The following ERGIC2 variants were observed in gnomAD, a reference collection of about 807,000 sequenced individuals.
ERGIC2 encodes the protein endoplasmic reticulum-Golgi intermediate compartment protein 2.
ERGIC2 carries 31 observed loss-of-function variants against 52.5 expected under a neutral mutation model. The ratio of observed to expected loss-of-function variants is 0.59; its 90% confidence interval spans 0.44 to 0.80. ERGIC2 has a LOEUF of 0.80. ERGIC2 is among the 30% of genes least tolerant of loss of function. The probability of loss-of-function intolerance (pLI) is 0.00; values close to 1 mark genes in which losing one functional copy is unlikely to be tolerated. For synonymous variants in ERGIC2, 129 were observed against 140.6 expected, an observed-to-expected ratio of 0.92 and a Z score of 0.58; for missense variants, 395 against 455.2, an observed-to-expected ratio of 0.87 and a Z score of 1.20.
chr12:29,379,859 A>C (rs1283430634), intron 1 of ERGIC2, among the ~76,000 whole-genome samples: 1 of 152,168 alleles, frequency 6.6e-6, no homozygotes, highest in Non-Finnish European at 1.5e-5. Context: ...AGAAAAAAAA[A>C]ATAGCCATTT....
intron 1 of ERGIC2, among the ~76,000 whole-genome samples, chr12:29,378,615 T>C (rs1266724379): frequency 6.6e-6 from 1 of 151,376 alleles, no homozygotes; most frequent in Non-Finnish European, 1.5e-5. Flanking sequence ...ACCCCCTCAA[T>C]TGTACTTATT....
chr12:29,370,334 A>G (rs1940424163), intron 2 of ERGIC2, 112 bp from the exon 3 acceptor site: 2 of 1,230,772 alleles, frequency 1.6e-6, no homozygotes, highest in Non-Finnish European at 2.1e-6. Context: ...CTAATAATGT[A>G]ACTTCCATTT....
intron 1 of ERGIC2, among the ~76,000 whole-genome samples, chr12:29,378,210 G>A (rs954244816): frequency 6.6e-6 from 1 of 152,178 alleles, no homozygotes. Flanking sequence ...AATGCCATGT[G>A]AAAACAAAGG....
At chr12:29,354,593 A>G (rs1324506446) in intron 8 of ERGIC2, among the ~76,000 whole-genome samples, 2 of 152,208 alleles carry the variant, frequency 1.3e-5, no homozygotes, top group Non-Finnish European at 2.9e-5. Flanking sequence ...AAAAAGATCA[A>G]TATTGAACTT....
At chr12:29,355,422 C>T (rs959513181) in intron 8 of ERGIC2, among the ~76,000 whole-genome samples, 1 of 152,104 alleles carries the variant, frequency 6.6e-6, no homozygotes, top group Non-Finnish European at 1.5e-5. Flanking sequence ...TAGTTTCTAG[C>T]ACAGTACTTT....
intron 10 of ERGIC2, among the ~76,000 whole-genome samples, chr12:29,347,481 TC>T (rs1384112298): frequency 6.6e-6 from 1 of 152,190 alleles, no homozygotes; most frequent in Non-Finnish European, 1.5e-5. Context: ...CACAGCCTCT[TC>T]CATGCCCTTT....
rs570888464 is a variant in ERGIC2 at position 29,372,105 on chromosome 12, C to T, written c.-37-435G>A. Among the ~76,000 whole-genome samples, 8 of 152,074 alleles carry T rather than the reference C, an allele frequency of 5.3e-5. No homozygotes were observed. The South Asian group carries it at 1.7e-3, about 32-fold the overall frequency. On this transcript the variant is annotated intron_variant, in intron 1 of 13. Coordinates refer to ENST00000360150, the MANE Select transcript of ERGIC2 (RefSeq NM_016570.3). ...CTGTAATCCCAGTACTTTGGGAGGC[C>T]GAGGCGGGTGGATCATCTGAGGTCA...
At position 29,340,871 on chromosome 12, in the gene ERGIC2, C is replaced by A; in HGVS notation, c.*285G>T. ...AAGAAGCAATGTCTGATTTTGATAC[C>A]ACCCATTTGCTATGAAAATATAAGA... On this transcript the variant is annotated 3_prime_UTR_variant, in exon 14 of 14. Coordinates refer to ENST00000360150, the MANE Select transcript of ERGIC2 (RefSeq NM_016570.3). 1 of 473,028 alleles carries A rather than the reference C, an allele frequency of 2.1e-6. No homozygotes were observed. The allele number at this position is 473,028 out of a possible 1,614,324, so 29.3% of individuals were successfully genotyped here.
chr12:29,376,034 A>G (rs1040070036), intron 1 of ERGIC2, among the ~76,000 whole-genome samples: 1 of 152,124 alleles, frequency 6.6e-6, no homozygotes, highest in Non-Finnish European at 1.5e-5. Flanking sequence ...TTCCATTCCA[A>G]TCCTTAGTCA....
At chr12:29,371,239 C>T (rs1940435959) in intron 2 of ERGIC2, among the ~76,000 whole-genome samples, 1 of 152,138 alleles carries the variant, frequency 6.6e-6, no homozygotes, top group African/African-American at 2.4e-5. Context: ...ATTTGAATAA[C>T]TTCCTCAAGG....
intron 1 of ERGIC2, among the ~76,000 whole-genome samples, chr12:29,377,962 G>T (rs1306137069): frequency 1.3e-5 from 2 of 152,120 alleles, no homozygotes; most frequent in African/African-American, 2.4e-5. Flanking sequence ...AAATTTAATT[G>T]GTTAATACAT....
At chr12:29,379,903 A>G (rs942466733) in intron 1 of ERGIC2, among the ~76,000 whole-genome samples, 4 of 152,188 alleles carry the variant, frequency 2.6e-5, no homozygotes, top group African/African-American at 9.7e-5. Context: ...CAAAGAAAGA[A>G]AATGTGTGGG....
Position 29,341,226 on chromosome 12 carries a change from G to A in ERGIC2, c.1072-8C>T, listed in dbSNP as rs1949837651. ...GCCATCCTCAAAAGGAACCTAAGGA[G>A]AAAAGGAGGGAAAAAAAGACCAAAG... On this transcript the variant is annotated splice_region_variant and splice_polypyrimidine_tract_variant and intron_variant, in intron 13 of 13. Coordinates refer to ENST00000360150, the MANE Select transcript of ERGIC2 (RefSeq NM_016570.3). The A allele has an allele frequency of 1.9e-6, 3 of 1,598,684 alleles. No individual in the cohort carries two copies. The highest frequency in any genetic ancestry group is 2.7e-5 in the African/African-American group (2 of 74,178).
At chr12:29,346,572 C>T (rs1037183121) in intron 10 of ERGIC2, among the ~76,000 whole-genome samples, 2 of 152,086 alleles carry the variant, frequency 1.3e-5, no homozygotes, top group Non-Finnish European at 2.9e-5. Context: ...TCAGTTTCTA[C>T]TAATATCTTA....
At chr12:29,371,481 C>T in intron 2 of ERGIC2, 47 bp downstream of exon 2, 1 of 1,229,908 alleles carries the variant, frequency 8.1e-7, no homozygotes, top group Non-Finnish European at 1.2e-6. Flanking sequence ...CTGGATCACG[C>T]AGAAGTTGTA....
At chr12:29,348,632 G>C (rs888401320) in intron 10 of ERGIC2, among the ~76,000 whole-genome samples, 2 of 151,860 alleles carry the variant, frequency 1.3e-5, no homozygotes, top group East Asian at 3.8e-4. Flanking sequence ...TAGGTTTCTG[G>C]TGTTTGTAAA....
chr12:29,371,605 A>G lies in ERGIC2; in HGVS notation c.29T>C (p.Leu10Ser). 1.2e-6 allele frequency: 2 copies of G among 1,613,586 alleles called. No homozygotes were observed. The highest frequency in any genetic ancestry group is 1.7e-6 in the Non-Finnish European group (2 of 1,179,736). MRRLNRKKT[L>S]SLVKELDAFP... ...GGCATCCAACTCTTTTACCAAACTTAAAGTTTTTTTCCGATTCAGTCGCCT... is the reference window on the plus strand; with the variant it reads ...GGCATCCAACTCTTTTACCAAACTTGAAGTTTTTTTCCGATTCAGTCGCCT... Residue 10 changes from leucine to serine, a missense_variant, in exon 2 of 14, where the codon TTA (leucine) becomes TCA (serine). By Grantham distance (145) the Leu-to-Ser change is moderately radical (BLOSUM62 -2). Transcript: ENST00000360150.
At chr12:29,360,326 G>A (rs1940265701) in intron 6 of ERGIC2, among the ~76,000 whole-genome samples, 1 of 151,430 alleles carries the variant, frequency 6.6e-6, no homozygotes, top group Non-Finnish European at 1.5e-5. Context: ...ATCTAAATAT[G>A]CATCAATAAG....
At chr12:29,363,990 C>A (rs1940321412) in intron 5 of ERGIC2, among the ~76,000 whole-genome samples, 1 of 152,016 alleles carries the variant, frequency 6.6e-6, no homozygotes, top group Non-Finnish European at 1.5e-5. Flanking sequence ...AGGATGCAAC[C>A]TTTATTATCA....
Sources: gnomAD v4.1 joint callset for allele counts (sites outside exome capture counted in the v4.1 genomes callset) on GRCh38, gnomAD v4.1.1 for gene constraint, MANE v1.5 for transcripts, NCBI Gene and HGNC (gene_info 2026-07-23, HGNC 2026-07-21) for gene names.